Variants in OR9Q1 observed in about 807,000 individuals in gnomAD.
OR9Q1 encodes olfactory receptor 9Q1.
For synonymous variants in OR9Q1, 153 were observed against 148.6 expected, an observed-to-expected ratio of 1.03 and a Z score of -0.22; for missense variants, 374 against 378.8, an observed-to-expected ratio of 0.99 and a Z score of 0.11.
chr11:58,053,356 C>A (rs1339031020), intron 1 of OR9Q1, among the ~76,000 whole-genome samples: 2 of 147,558 alleles, frequency 1.4e-5, no homozygotes, highest in African/African-American at 5.0e-5. Context: ...GGACAAAAAA[C>A]CAAACACCAC....
chr11:58,057,059 A>G (rs1853335792), intron 2 of OR9Q1, among the ~76,000 whole-genome samples: 1 of 126,944 alleles, frequency 7.9e-6, no homozygotes, highest in Non-Finnish European at 1.5e-5. Context: ...CAGTGGTGCC[A>G]TCTTGGCTCA....
At chr11:58,038,066 C>T (rs980910118) in intron 1 of OR9Q1, among the ~76,000 whole-genome samples, 15 of 151,544 alleles carry the variant, frequency 9.9e-5, no homozygotes, top group East Asian at 5.8e-4. Flanking sequence ...TTACATAAAA[C>T]GGTAAAAAGT....
intron 2 of OR9Q1, among the ~76,000 whole-genome samples, chr11:58,140,613 T>A (rs1854237800): frequency 6.6e-6 from 1 of 152,192 alleles, no homozygotes; most frequent in South Asian, 2.1e-4. Context: ...GCGGAATTAT[T>A]TCTGAGGGCT....
chr11:58,072,188 C>G (rs1853494107), intron 2 of OR9Q1, among the ~76,000 whole-genome samples: 1 of 152,132 alleles, frequency 6.6e-6, no homozygotes, highest in African/African-American at 2.4e-5. Flanking sequence ...ATAATACATA[C>G]AACAAAAACA....
intron 2 of OR9Q1, among the ~76,000 whole-genome samples, chr11:58,172,173 G>A (rs896962508): frequency 6.6e-6 from 1 of 152,138 alleles, no homozygotes; most frequent in Non-Finnish European, 1.5e-5. Flanking sequence ...TTGTTTGAAT[G>A]ATTTGTAATT....
chr11:58,039,799 G>A (rs1853142511), intron 1 of OR9Q1, among the ~76,000 whole-genome samples: 1 of 152,168 alleles, frequency 6.6e-6, no homozygotes, highest in South Asian at 2.1e-4. Context: ...CTCTCTGAAG[G>A]TCCCTTCCAG....
intron 1 of OR9Q1, among the ~76,000 whole-genome samples, chr11:58,034,735 T>TTTCTTTCC (rs1554964474): frequency 2.7e-4 from 30 of 111,474 alleles, no homozygotes; most frequent in Middle Eastern, 8.8e-3. Context: ...GGTTTCTTTC[T>TTTCTTTCC]TTCCTTCCTT....
chr11:58,102,462 G>A (rs1265116862), intron 2 of OR9Q1, among the ~76,000 whole-genome samples: 4 of 151,960 alleles, frequency 2.6e-5, no homozygotes, highest in Non-Finnish European at 5.9e-5. Flanking sequence ...GCCTGGTGTT[G>A]ATGAATTTCC....
chr11:58,031,039 C>G (rs1423801008), intron 1 of OR9Q1: 1 of 1,614,178 alleles, frequency 6.2e-7, no homozygotes, highest in South Asian at 1.1e-5. Flanking sequence ...ACCTCCTCTT[C>G]TTCATACTCT....
intron 2 of OR9Q1, among the ~76,000 whole-genome samples, chr11:58,075,019 T>C (rs76683866): frequency 0.17 from 26,243 of 152,124 alleles, 2,395 homozygotes; most frequent in Non-Finnish European, 0.21. Context: ...CCTTGTAGTA[T>C]AGTTTGAAGT....
At chr11:58,169,016 T>C (rs1161284728) in intron 2 of OR9Q1, among the ~76,000 whole-genome samples, 1 of 152,178 alleles carries the variant, frequency 6.6e-6, no homozygotes, top group Non-Finnish European at 1.5e-5. Context: ...ATGCCTTATA[T>C]TGTGGTCAGA....
chr11:58,084,027 G>A lies in OR9Q1; in HGVS notation c.-15+28080G>A, dbSNP rs145686790. On this transcript the variant is annotated intron_variant, in intron 2 of 2. Coordinates refer to ENST00000335397, the MANE Select transcript of OR9Q1 (RefSeq NM_001005212.4). The stretch of plus-strand genomic sequence containing the variant: ...TTGATAGTTTGATAAGAATAGCATT[G>A]GATCTGTAGATCGCTTTGGGCTGTA... Among the ~76,000 whole-genome samples, 67 of 151,892 alleles carry A rather than the reference G, an allele frequency of 4.4e-4. 1 individual carries two copies. The highest frequency in any genetic ancestry group is 1.5e-3 in the African/African-American group (61 of 41,266).
chr11:58,032,702 T>C (rs1055602545), intron 1 of OR9Q1, among the ~76,000 whole-genome samples: 1 of 152,240 alleles, frequency 6.6e-6, no homozygotes, highest in Admixed American at 6.5e-5. Context: ...ACATTGGTCT[T>C]GGGAAAGAAT....
intron 2 of OR9Q1, among the ~76,000 whole-genome samples, chr11:58,092,673 G>A (rs1853695835): frequency 6.6e-6 from 1 of 151,926 alleles, no homozygotes; most frequent in Non-Finnish European, 1.5e-5. Flanking sequence ...TTTATACAGG[G>A]GATAAATTTT....
At chr11:58,159,193 C>T (rs1854435360) in intron 2 of OR9Q1, among the ~76,000 whole-genome samples, 3 of 152,160 alleles carry the variant, frequency 2.0e-5, no homozygotes, top group South Asian at 4.1e-4. Flanking sequence ...GGGACTTCCC[C>T]GTCCTGAAAC....
intron 2 of OR9Q1, among the ~76,000 whole-genome samples, chr11:58,104,067 A>G (rs1456563019): frequency 6.6e-6 from 1 of 152,194 alleles, no homozygotes; most frequent in Non-Finnish European, 1.5e-5. Flanking sequence ...ATTTCATTCA[A>G]ACATGCATTG....
At chr11:58,030,285 C>G (rs1853018458) in intron 1 of OR9Q1, among the ~76,000 whole-genome samples, 1 of 152,184 alleles carries the variant, frequency 6.6e-6, no homozygotes, top group Non-Finnish European at 1.5e-5. Context: ...AATTTGGTTG[C>G]TAGCCCTTCA....
intron 1 of OR9Q1, among the ~76,000 whole-genome samples, chr11:58,055,492 A>T (rs950572882): frequency 6.6e-6 from 1 of 152,164 alleles, no homozygotes; most frequent in Non-Finnish European, 1.5e-5. Context: ...TGAATGAATT[A>T]GTTCTTTGTA....
chr11:58,068,060 C>T (rs527602650), intron 2 of OR9Q1, among the ~76,000 whole-genome samples: 4 of 152,178 alleles, frequency 2.6e-5, no homozygotes, highest in Admixed American at 6.5e-5. Flanking sequence ...GACACCCAGC[C>T]GGGCATGGTG....
Sources: allele counts gnomAD v4.1 joint callset (sites outside exome capture counted in the v4.1 genomes callset), GRCh38; gene constraint gnomAD v4.1.1; transcripts MANE v1.5; gene names NCBI Gene and HGNC (gene_info 2026-07-23, HGNC 2026-07-21).